The following KIAA0586 variants were observed in gnomAD, a reference collection of about 807,000 sequenced individuals.
The protein encoded by KIAA0586 is KIAA0586.
KIAA0586 carries 144 observed loss-of-function variants against 169.8 expected under a neutral mutation model. The ratio of observed to expected loss-of-function variants is 0.85; its 90% CI spans 0.74 to 0.97. The LOEUF is 0.97. Among genes scored for constraint, KIAA0586 ranks in the 50% least tolerant of loss-of-function variants. The pLI, the probability that KIAA0586 is intolerant of heterozygous loss-of-function variation, is 0.00. For synonymous variants in KIAA0586, 625 were observed against 612.4 expected (o/e 1.02, Z -0.30); for missense variants, 1,854 against 1,823.0 (o/e 1.02, Z -0.31).
At chr14:58,528,105 G>A (rs2045717025) in intron 29 of KIAA0586, among the ~76,000 whole-genome samples, 1 of 152,012 alleles carries the variant, frequency 6.6e-6, no homozygotes, top group Admixed American at 6.6e-5. Context: ...AAAAGACAAA[G>A]AAGGTTATTA....
chr14:58,547,844 C>T lies in KIAA0586; in HGVS notation c.4559C>T (p.Pro1520Leu), dbSNP rs750833160. The T allele has an allele frequency of 1.0e-4, 168 of 1,613,592 alleles. No homozygotes were observed. Among genetic ancestry groups the T allele is most frequent in the Non-Finnish European group, 1.3e-4 (156 of 1,179,732 alleles). Residue 1520 changes from proline (P) to leucine (L), a missense_variant, in exon 31 of 31, where the codon CCG (proline) becomes CTG (leucine). Physicochemically the swap from Pro to Leu is moderately conservative, Grantham distance 98. Coordinates refer to ENST00000652326, the MANE Select transcript of KIAA0586 (RefSeq NM_001329943.3). ...CCTGCCAAGATGTCAGTGATGCTGC[C>T]GTCAGTGAACCTCGAGGACTGCTCT... is the stretch of plus-strand genomic sequence containing the variant. ...MPPAKMSVML[P>L]SVNLEDCSQS...
chr14:58,537,802 C>T (rs960966336), intron 29 of KIAA0586, among the ~76,000 whole-genome samples: 3 of 152,042 alleles, frequency 2.0e-5, no homozygotes, highest in East Asian at 3.9e-4. Context: ...TGCCTGCCAC[C>T]ACGCCCGGCT....
intron 16 of KIAA0586, among the ~76,000 whole-genome samples, chr14:58,469,742 GACA>G (rs1566846959): frequency 6.6e-6 from 1 of 152,066 alleles, no homozygotes; most frequent in Non-Finnish European, 1.5e-5. Context: ...ATGTTCAAAG[GACA>G]TGAATAAGAC....
At position 58,487,203 on chromosome 14, in the gene KIAA0586, A is replaced by T. The variant is rs758581440; in HGVS notation, c.3304+37A>T. 2.6e-6 allele frequency: 4 copies of T among 1,536,426 alleles called. No individual in the cohort carries two copies. The South Asian group carries it at 4.7e-5, about 18-fold the overall frequency. On this transcript the variant is annotated intron_variant, in intron 22 of 30. Transcript: ENST00000652326. ...ATTTCTATAACTCGGTTTTAATTTT[A>T]GCAACTATTAAATTTCATGATTTGT...
intron 29 of KIAA0586, among the ~76,000 whole-genome samples, chr14:58,534,426 T>C (rs1395198959): frequency 6.6e-6 from 1 of 152,222 alleles, no homozygotes; most frequent in African/African-American, 2.4e-5. Flanking sequence ...CAAACTTCTT[T>C]CCTACCAAAG....
chr14:58,527,331 T>A (rs1376341813), intron 29 of KIAA0586, among the ~76,000 whole-genome samples: 1 of 152,086 alleles, frequency 6.6e-6, no homozygotes. Context: ...CAGGCCAACA[T>A]TGAAATTCAG....
chr14:58,490,375 T>G (rs1272719164), intron 25 of KIAA0586, 135 bp downstream of exon 25: 2 of 460,862 alleles, frequency 4.3e-6, no homozygotes, highest in African/African-American at 4.1e-5. Flanking sequence ...TGAAATAATT[T>G]AGAGTTTCTT....
At chr14:58,542,329 T>A (rs1484633893) in intron 30 of KIAA0586, among the ~76,000 whole-genome samples, 1 of 151,948 alleles carries the variant, frequency 6.6e-6, no homozygotes, top group African/African-American at 2.4e-5. Context: ...ATACAATAAT[T>A]AGCTGGGTGC....
At chr14:58,494,025 G>A (rs1749000) in intron 26 of KIAA0586, among the ~76,000 whole-genome samples, 149,841 of 152,272 alleles carry the variant, frequency 0.98, 73,766 homozygotes, top group East Asian at 1. Flanking sequence ...ACTAATATCA[G>A]TGTATTTATT....
At chr14:58,493,314 G>A (rs946655582) in intron 26 of KIAA0586, among the ~76,000 whole-genome samples, 5 of 152,188 alleles carry the variant, frequency 3.3e-5, no homozygotes, top group African/African-American at 1.2e-4. Context: ...AGTGCAGACA[G>A]AAGAGTGCCA....
At chr14:58,546,972 A>G (rs1406754806) in intron 30 of KIAA0586, among the ~76,000 whole-genome samples, 1 of 152,164 alleles carries the variant, frequency 6.6e-6, no homozygotes, top group Non-Finnish European at 1.5e-5. Flanking sequence ...TTCCTCTGAC[A>G]TTGCTAACCT....
chr14:58,481,067 A>G (rs1446346497), intron 20 of KIAA0586, among the ~76,000 whole-genome samples: 1 of 152,234 alleles, frequency 6.6e-6, no homozygotes, highest in African/African-American at 2.4e-5. Flanking sequence ...ATGTATCAAC[A>G]TATATTGTTG....
intron 30 of KIAA0586, chr14:58,543,781 T>C (rs916873814): frequency 1.3e-5 from 5 of 378,380 alleles, no homozygotes; most frequent in Admixed American, 1.3e-4. Context: ...GGATCATTAG[T>C]TCTTCTATGG....
intron 29 of KIAA0586, chr14:58,522,095 A>T: frequency 1.5e-6 from 1 of 669,594 alleles, no homozygotes. Flanking sequence ...TCTTCAGCAC[A>T]TGCTCACTGT....
At position 58,474,726 on chromosome 14, in the gene KIAA0586, TC is replaced by T; in HGVS notation, c.2755del (p.Gln919SerfsTer10). 6.2e-7 allele frequency: 1 copy of T among 1,613,616 alleles called. No individual in the cohort carries two copies. Among genetic ancestry groups the T allele is most frequent in the Non-Finnish European group, 8.5e-7 (1 of 1,179,698 alleles). On this transcript the variant is annotated frameshift_variant, in exon 19 of 31. Transcript: ENST00000652326. LOFTEE classifies it high-confidence loss of function. The part of the protein sequence containing the change: ...PPFPPVASTF[Q>X]PTADILDKVI... ...CATTTCCGCCAGTTGCTTCTACTTT[TC>T]AGCCCACTGCTGATATTCTGGATAA...
At chr14:58,542,521 T>G (rs1028667360) in intron 30 of KIAA0586, among the ~76,000 whole-genome samples, 1 of 152,168 alleles carries the variant, frequency 6.6e-6, no homozygotes, top group Non-Finnish European at 1.5e-5. Flanking sequence ...AAATACCTTT[T>G]GATAAGATGG....
chr14:58,439,885 CTT>C (rs1555375552), intron 4 of KIAA0586: 3 of 939,716 alleles, frequency 3.2e-6, no homozygotes, highest in Non-Finnish European at 1.3e-6. Flanking sequence ...CTTAGGGACT[CTT>C]CAGTTTTGTC....
chr14:58,460,457 G>A (rs2040233256), intron 13 of KIAA0586, among the ~76,000 whole-genome samples: 1 of 152,074 alleles, frequency 6.6e-6, no homozygotes, highest in African/African-American at 2.4e-5. Context: ...GTATATGCAA[G>A]GCGTGGTACT....
chr14:58,450,207 C>T lies in KIAA0586; in HGVS notation c.962-372C>T, dbSNP rs138616418. Among the ~76,000 whole-genome samples the T allele has an allele frequency of 1.3e-3, 203 of 151,984 alleles. 3 individuals carry two copies. The East Asian group carries it at 0.014, about 11-fold the overall frequency. On this transcript the variant is annotated intron_variant, in intron 7 of 30. Coordinates refer to ENST00000652326, the MANE Select transcript of KIAA0586 (RefSeq NM_001329943.3). ...CATTTTCTTTCTTTTATGTTATTTC[C>T]TTAGAATAATTTCATAAGAGTAAGA... is the stretch of plus-strand genomic sequence containing the variant.
Sources: allele counts gnomAD v4.1 joint callset (sites outside exome capture counted in the v4.1 genomes callset), GRCh38; gene constraint gnomAD v4.1.1; transcripts MANE v1.5; gene names NCBI Gene and HGNC (gene_info 2026-07-23, HGNC 2026-07-21).